KCNN2: variants seen among roughly 807,000 people sequenced by gnomAD.
The protein encoded by KCNN2 is potassium calcium-activated channel subfamily N member 2, also known as small conductance calcium-activated potassium channel protein 2.
KCNN2 carries 24 observed loss-of-function variants against 55.5 expected under a neutral mutation model. The ratio of observed to expected loss-of-function variants is 0.43; its 90% CI spans 0.31 to 0.61. The LOEUF is 0.61. Among genes scored for constraint, KCNN2 ranks in the 20% least tolerant of loss-of-function variants. The probability of loss-of-function intolerance (pLI) is 0.08; values close to 1 mark genes in which losing one functional copy is unlikely to be tolerated. For missense variants in KCNN2, 754 were observed against 853.6 expected, an observed-to-expected ratio of 0.88 and a Z score of 1.45; for synonymous variants, 431 against 336.1, an observed-to-expected ratio of 1.28 and a Z score of -3.09.
chr5:114,136,397 T>C (rs1430455792), intron 1 of KCNN2, among the ~76,000 whole-genome samples: 1 of 152,222 alleles, frequency 6.6e-6, no homozygotes, highest in Non-Finnish European at 1.5e-5. Flanking sequence ...TGTGCTGTGC[T>C]CTTAGACTTC....
chr5:114,486,786 A>T (rs1300796247), intron 5 of KCNN2: 1 of 1,354,872 alleles, frequency 7.4e-7, no homozygotes, highest in Non-Finnish European at 9.7e-7. Context: ...TTGAATAAAA[A>T]AGAAGTTTCC....
intron 1 of KCNN2, among the ~76,000 whole-genome samples, chr5:114,067,346 C>T (rs1300141814): frequency 6.6e-6 from 1 of 152,124 alleles, no homozygotes; most frequent in Non-Finnish European, 1.5e-5. Flanking sequence ...CTGGTCTCAC[C>T]CCAGACTGGC....
intron 7 of KCNN2, among the ~76,000 whole-genome samples, chr5:114,494,114 A>T (rs1747992567): frequency 6.6e-6 from 1 of 152,090 alleles, no homozygotes; most frequent in Admixed American, 6.6e-5. Context: ...ACCCATTCTT[A>T]AAACATAAAT....
chr5:114,491,204 G>A (rs1747835630), intron 6 of KCNN2, among the ~76,000 whole-genome samples: 1 of 152,082 alleles, frequency 6.6e-6, no homozygotes, highest in Admixed American at 6.6e-5. Flanking sequence ...ACTGCCACTG[G>A]CCCTTCTAGC....
chr5:114,189,876 A>T (rs1443744770), intron 1 of KCNN2, among the ~76,000 whole-genome samples: 3 of 152,128 alleles, frequency 2.0e-5, no homozygotes, highest in African/African-American at 7.2e-5. Context: ...ACAATTGCTT[A>T]TCCATATTAA....
At chr5:114,190,222 G>A (rs1753423199) in intron 1 of KCNN2, among the ~76,000 whole-genome samples, 1 of 151,974 alleles carries the variant, frequency 6.6e-6, no homozygotes, top group South Asian at 2.1e-4. Context: ...TTGTTACCCA[G>A]CCATTCTGCT....
intron 2 of KCNN2, among the ~76,000 whole-genome samples, chr5:114,270,706 G>C (rs912889709): frequency 6.6e-6 from 1 of 152,180 alleles, no homozygotes; most frequent in African/African-American, 2.4e-5. Flanking sequence ...CTGTCACTCA[G>C]AACTCTTTGT....
chr5:114,096,282 A>T (rs1751253710), intron 1 of KCNN2, among the ~76,000 whole-genome samples: 1 of 152,176 alleles, frequency 6.6e-6, no homozygotes, highest in South Asian at 2.1e-4. Flanking sequence ...TAATATCAAG[A>T]CAGCAATCTA....
rs979263976 is a variant in KCNN2, at chr5:114,393,190, C to A, written c.1219-11248C>A. On this transcript the variant is annotated intron_variant, in intron 2 of 7. Coordinates refer to ENST00000673685, the MANE Select transcript of KCNN2 (RefSeq NM_021614.4). The stretch of plus-strand genomic sequence containing the variant: ...CTTTTTAATCCTTGTATCCACAGAA[C>A]CTTACAAATAGAAGCATTCAGTAAG... Among the ~76,000 whole-genome samples, 6 of 152,124 alleles carry A rather than the reference C, an allele frequency of 3.9e-5. No homozygotes were observed. The East Asian group carries it at 5.8e-4, about 15-fold the overall frequency.
intron 2 of KCNN2, among the ~76,000 whole-genome samples, chr5:114,291,339 C>A (rs530980051): frequency 6.6e-6 from 1 of 152,078 alleles, no homozygotes; most frequent in African/African-American, 2.4e-5. Flanking sequence ...TCCCTCCCCC[C>A]TCTCCTCACC....
chr5:114,381,687 T>G (rs1758130967), intron 2 of KCNN2, among the ~76,000 whole-genome samples: 1 of 152,252 alleles, frequency 6.6e-6, no homozygotes, highest in South Asian at 2.1e-4. Flanking sequence ...TGAAGCCTTC[T>G]CATTATTTCA....
At chr5:114,293,769 A>G (rs1331145310) in intron 2 of KCNN2, among the ~76,000 whole-genome samples, 1 of 152,186 alleles carries the variant, frequency 6.6e-6, no homozygotes, top group Non-Finnish European at 1.5e-5. Flanking sequence ...AAGGAATGGT[A>G]CCAGTTCCTC....
intron 1 of KCNN2, among the ~76,000 whole-genome samples, chr5:114,165,727 C>G (rs903961814): frequency 4.6e-5 from 7 of 152,058 alleles, no homozygotes; most frequent in East Asian, 3.8e-4. Context: ...TTACTTTTCT[C>G]TAGCTTACTT....
At chr5:114,173,600 A>G (rs1267847780) in intron 1 of KCNN2, among the ~76,000 whole-genome samples, 1 of 151,824 alleles carries the variant, frequency 6.6e-6, no homozygotes, top group African/African-American at 2.4e-5. Context: ...CATTTTAACA[A>G]TATTGATTCT....
At chr5:114,069,860 G>A (rs957785916) in intron 1 of KCNN2, among the ~76,000 whole-genome samples, 60 of 152,290 alleles carry the variant, frequency 3.9e-4, no homozygotes, top group African/African-American at 1.4e-3. Flanking sequence ...GGGAGTGCCG[G>A]TGATAATGCA....
rs143594199 is a variant in KCNN2, at chr5:114,110,791, A to G, written c.-271+54291A>G. Among the ~76,000 whole-genome samples, 758 of 152,184 alleles carry G rather than the reference A, an allele frequency of 5.0e-3. 10 individuals are homozygous for G. Among genetic ancestry groups the G allele is most frequent in the African/African-American group, 0.017 (710 of 41,552 alleles). On this transcript the variant is annotated intron_variant, in intron 1 of 10. Coordinates refer to the KCNN2 transcript ENST00000512097. ...GCTATGTCTATGTCTTTCTGAAATC[A>G]TATCTACAGACAGCTACTTATCTTT...
chr5:114,343,455 C>T (rs1001289124), intron 2 of KCNN2, among the ~76,000 whole-genome samples: 1 of 152,006 alleles, frequency 6.6e-6, no homozygotes, highest in African/African-American at 2.4e-5. Flanking sequence ...TCAACTGTGA[C>T]TTAACTAAAA....
rs145708704 is a variant in KCNN2 at position 114,143,970 on chromosome 5, A to C, written c.-270-77510A>C. On this transcript the variant is annotated intron_variant, in intron 1 of 10. Coordinates refer to the KCNN2 transcript ENST00000512097. ...AAATTATACACGAACAAAATTAACG[A>C]TTGTGGATCCTCCCAAAAATTTTAC... Among the ~76,000 whole-genome samples, 436 of 152,312 alleles carry C rather than the reference A, an allele frequency of 2.9e-3. 1 individual carries two copies. Among genetic ancestry groups the C allele is most frequent in the African/African-American group, 0.01 (419 of 41,586 alleles).
At chr5:114,154,279 A>C (rs868216882) in intron 1 of KCNN2, among the ~76,000 whole-genome samples, 1 of 152,168 alleles carries the variant, frequency 6.6e-6, no homozygotes, top group Admixed American at 6.6e-5. Flanking sequence ...GCATGTGCAG[A>C]GAAACATGAG....
Sources: gnomAD v4.1 joint callset for allele counts (sites outside exome capture counted in the v4.1 genomes callset) on GRCh38, gnomAD v4.1.1 for gene constraint, MANE v1.5 for transcripts, NCBI Gene and HGNC (gene_info 2026-07-23, HGNC 2026-07-21) for gene names.